Variants in UNC13A observed in about 807,000 individuals in gnomAD.
The protein encoded by UNC13A is protein unc-13 homolog A.
A neutral mutation model predicts 219.7 loss-of-function variants in UNC13A; 61 were observed. The observed-to-expected ratio is 0.28, with a 90% CI of 0.23 to 0.34. UNC13A has a LOEUF of 0.34. UNC13A is among the 10% of genes least tolerant of loss of function. The pLI is 1.00. For missense variants in UNC13A, 1,476 were observed against 2,270.3 expected, an observed-to-expected ratio of 0.65 and a Z score of 7.11; for synonymous variants, 920 against 884.6, an observed-to-expected ratio of 1.04 and a Z score of -0.71.
rs1477636632 is a variant in UNC13A, at chr19:17,680,384, TGGGCGCGCGGA to T, written c.23-4354_23-4344del. ...CACACGCATGAGGCTATTTATAGCG[TGGGCGCGCGGA>T]GGGCGTGGGAGGCGCGCCGGCGGAC... On this transcript the variant is annotated intron_variant, in intron 1 of 43. Coordinates refer to ENST00000519716, the MANE Select transcript of UNC13A (RefSeq NM_001080421.3). Among the ~76,000 whole-genome samples, 6 of 149,716 alleles carry T rather than the reference TGGGCGCGCGGA, an allele frequency of 4.0e-5. No homozygotes were observed. The South Asian group carries it at 1.3e-3, about 32-fold the overall frequency.
Position 17,631,815 on chromosome 19 carries a change from G to A in UNC13A, c.3428+967C>T, listed in dbSNP as rs1218379591. ...GCTGGAGTGCAGTGACACGATTTCCGCTTACTGCAACCTCTGCCTCCTGAG... is the reference window on the plus strand; with the variant it reads ...GCTGGAGTGCAGTGACACGATTTCCACTTACTGCAACCTCTGCCTCCTGAG... On this transcript the variant is annotated intron_variant, in intron 28 of 43. Transcript: ENST00000519716. Among the ~76,000 whole-genome samples the A allele has an allele frequency of 7.2e-5, 11 of 152,142 alleles. 1 individual carries two copies. The highest frequency in any genetic ancestry group is 4.1e-4 in the South Asian group (2 of 4,828).
Position 17,658,176 on chromosome 19 carries a change from T to C in UNC13A, c.653A>G (p.Gln218Arg). The C allele has an allele frequency of 3.1e-6, 5 of 1,613,946 alleles. No homozygotes were observed. Among genetic ancestry groups the C allele is most frequent in the Non-Finnish European group, 4.2e-6 (5 of 1,179,886 alleles). ...ATATTGGTGGACTGAGGCGTTGGGT[T>C]GTGACGTAGTATAATAGGGCGGCGG... is the stretch of plus-strand genomic sequence containing the variant. ...SIPPPYYTTS[Q>R]PNASVHQYSV... Residue 218 changes from glutamine (Q) to arginine (R), a missense_variant, in exon 9 of 44, where the codon CAA (glutamine) becomes CGA (arginine). Physicochemically the swap from Gln to Arg is conservative, Grantham distance 43 (BLOSUM62 1). This residue lies in a region of UNC13A where 203 missense variants were observed against 301.6 expected (regional missense o/e 0.67). Transcript: ENST00000519716.
rs1471362608 is a variant in UNC13A, at chr19:17,645,732, C to G, written c.2298G>C (p.Gly766=). The G allele has an allele frequency of 6.2e-7, 1 of 1,614,112 alleles. No individual in the cohort carries two copies. Among genetic ancestry groups the G allele is most frequent in the Non-Finnish European group, 8.5e-7 (1 of 1,180,050 alleles). The change falls in exon 19 of 44, where the codon GGG becomes GGC. Residue 766 remains glycine (G), a synonymous_variant. Transcript: ENST00000519716. The part of the protein sequence containing the change: ...RFKRESDDFL[G]QTIIEVRTLS... ...GCGTCCGCACCTCAATGATCGTCTG[C>G]CCCAGGAAATCGTCAGATTCCCTCT...
chr19:17,624,706 C>T (rs1950343615), intron 35 of UNC13A, 123 bp downstream of exon 35: 1 of 1,391,414 alleles, frequency 7.2e-7, no homozygotes, highest in African/African-American at 1.5e-5. Context: ...GCCCTTGAGC[C>T]TGGATGACCT....
In UNC13A at chr19:17,676,089, G is replaced by A. The variant is rs1202347831; in HGVS notation, c.23-48C>T. On this transcript the variant is annotated intron_variant, in intron 1 of 43. Coordinates refer to ENST00000519716, the MANE Select transcript of UNC13A (RefSeq NM_001080421.3). ...GGAAGGGAGGTGGGGAGAGATGTGG[G>A]GAGGAGGAGGCAGAGATACGGAGAG... 12 of 1,538,388 alleles carry A rather than the reference G, an allele frequency of 7.8e-6. No homozygotes were observed. The African/African-American group carries it at 9.6e-5, about 12-fold the overall frequency.
chr19:17,613,282 A>T (rs78356598), intron 41 of UNC13A, among the ~76,000 whole-genome samples: 14,356 of 151,398 alleles, frequency 0.095, 1,364 homozygotes, highest in African/African-American at 0.25. Flanking sequence ...TGATGCATGC[A>T]CCTGTAGTCC....
rs543478515 is a variant in UNC13A at position 17,662,689 on chromosome 19, G to C, written c.559+843C>G. ...TAATCCCAGCACTTTGGGAGGCCAA[G>C]GCAGGTGGATCACGAGGTCAGGAGA... On this transcript the variant is annotated intron_variant, in intron 8 of 43. Transcript: ENST00000519716. Among the ~76,000 whole-genome samples the C allele has an allele frequency of 1.4e-4, 21 of 152,242 alleles. 1 individual carries two copies. Among genetic ancestry groups the C allele is most frequent in the Middle Eastern group, 3.4e-3 (1 of 294 alleles).
At chr19:17,679,749 T>C (rs567185016) in intron 1 of UNC13A, among the ~76,000 whole-genome samples, 2 of 152,268 alleles carry the variant, frequency 1.3e-5, no homozygotes, top group African/African-American at 4.8e-5. Context: ...CTCTCCACTC[T>C]GGTCGTCTTC....
intron 11 of UNC13A, among the ~76,000 whole-genome samples, chr19:17,654,288 T>C (rs1442188998): frequency 6.6e-6 from 1 of 152,226 alleles, no homozygotes; most frequent in East Asian, 1.9e-4. Flanking sequence ...ATAGTTCCAA[T>C]AGTAGCTGCT....
Position 17,669,668 on chromosome 19 carries a change from A to G in UNC13A, c.279T>C (p.Pro93=). The G allele has an allele frequency of 6.2e-7, 1 of 1,609,242 alleles. No homozygotes were observed. Among genetic ancestry groups the G allele is most frequent in the South Asian group, 1.1e-5 (1 of 90,156 alleles). ...RTIRQSNEEG[P]GEWLTLDSQV... ...GGGAGTCCAGCGTCAGCCACTCTCCAGGGCCCTCCTGGGGGTTGGGGGAGG... is the reference window on the plus strand; with the variant it reads ...GGGAGTCCAGCGTCAGCCACTCTCCGGGGCCCTCCTGGGGGTTGGGGGAGG... Residue 93 remains proline, a synonymous_variant, in exon 5 of 44, where the codon CCT becomes CCC. Transcript: ENST00000519716.
chr19:17,630,426 A>G, intron 29 of UNC13A, 138 bp from the exon 30 acceptor site: 2 of 1,410,956 alleles, frequency 1.4e-6, no homozygotes, highest in South Asian at 1.4e-5. Context: ...AGGTAGACTT[A>G]GAGTCAACTC....
chr19:17,607,573 T>G (rs985003623), intron 43 of UNC13A, among the ~76,000 whole-genome samples: 2 of 149,924 alleles, frequency 1.3e-5, no homozygotes, highest in African/African-American at 4.9e-5. Context: ...CCACCGCGCC[T>G]GGCCCATAGT....
In UNC13A at chr19:17,688,298, G is replaced by C. The variant is rs1266092973; in HGVS notation, c.-99C>G. On this transcript the variant is annotated 5_prime_UTR_variant, in exon 1 of 44. Coordinates refer to ENST00000519716, the MANE Select transcript of UNC13A (RefSeq NM_001080421.3). ...GGGGCATCTCCCGGCTGCAGCCCGCGCTTGGCTCACGCCGGGGCCCGGCCG... is the reference window on the plus strand; with the variant it reads ...GGGGCATCTCCCGGCTGCAGCCCGCCCTTGGCTCACGCCGGGGCCCGGCCG... The C allele has an allele frequency of 7.4e-7, 1 of 1,347,556 alleles. No individual in the cohort carries two copies. Among genetic ancestry groups the C allele is most frequent in the Admixed American group, 4.1e-5 (1 of 24,246 alleles). 83.5% of individuals were successfully genotyped at this position (1,347,556 alleles called of 1,614,324 possible).
At chr19:17,685,421 G>C (rs2080089450) in intron 1 of UNC13A, among the ~76,000 whole-genome samples, 1 of 152,160 alleles carries the variant, frequency 6.6e-6, no homozygotes, top group African/African-American at 2.4e-5. Context: ...TTGAACTCCT[G>C]ACCTCAAGTG....
chr19:17,627,866 C>A lies in UNC13A; in HGVS notation c.3828G>T (p.Lys1276Asn). Residue 1276 changes from lysine to asparagine, a missense_variant, in exon 32 of 44, where the codon AAG (lysine) becomes AAT (asparagine). By Grantham distance (94) the Lys-to-Asn change is moderately conservative. Coordinates refer to ENST00000519716, the MANE Select transcript of UNC13A (RefSeq NM_001080421.3). The surrounding 1 kb of genome is among the most constrained non-coding windows in gnomAD (Gnocchi z 4.7). ...LEKMFEAMGG[K>N]ELDAEASDIL... Reference sequence around the variant, plus strand: ...CCCTGCCTCGGCCCTGCCTCACCTCCTTTCCTCCCATGGCTTCGAACATCT... The same window carrying A: ...CCCTGCCTCGGCCCTGCCTCACCTCATTTCCTCCCATGGCTTCGAACATCT... 6.2e-7 allele frequency: 1 copy of A among 1,601,772 alleles called. No individual in the cohort carries two copies. Among genetic ancestry groups the A allele is most frequent in the East Asian group, 2.2e-5 (1 of 44,542 alleles).
chr19:17,607,517 G>A (rs1296951564), intron 43 of UNC13A, among the ~76,000 whole-genome samples: 3 of 151,140 alleles, frequency 2.0e-5, no homozygotes, highest in Non-Finnish European at 4.4e-5. Flanking sequence ...AACCTCAGGT[G>A]ATCCACTGCC....
chr19:17,623,262 C>T (rs532013413), intron 36 of UNC13A: 13 of 434,454 alleles, frequency 3.0e-5, no homozygotes, highest in Admixed American at 1.7e-4. Flanking sequence ...ACGGCAGGTC[C>T]GCTGCGAAGG....
At chr19:17,671,158 A>G (rs987560925) in intron 4 of UNC13A, among the ~76,000 whole-genome samples, 2 of 152,040 alleles carry the variant, frequency 1.3e-5, no homozygotes, top group African/African-American at 4.8e-5. Context: ...AAGGAGGGCT[A>G]AAGGATCTAG....
chr19:17,608,387 T>TATATATTTATATATAATATATAAAA (rs1358583059), intron 43 of UNC13A, among the ~76,000 whole-genome samples: 1 of 136,138 alleles, frequency 7.3e-6, no homozygotes, highest in Non-Finnish European at 1.5e-5. Context: ...TATATAAATA[T>TATATATTTATATATAATATATAAAA]ATATATATTT....
Sources: gnomAD v4.1 joint callset for allele counts (sites outside exome capture counted in the v4.1 genomes callset) on GRCh38, gnomAD v4.1.1 for gene constraint, gnomAD v4.1.1 regional missense constraint, Gnocchi (gnomAD v3.1) non-coding constraint, MANE v1.5 for transcripts, NCBI Gene and HGNC (gene_info 2026-07-23, HGNC 2026-07-21) for gene names.